The following IL23R variants were observed in gnomAD, a reference collection of about 807,000 sequenced individuals.
IL23R encodes the protein interleukin-23 receptor.
IL23R carries 34 observed loss-of-function variants against 56.9 expected under a neutral mutation model. The observed-to-expected ratio is 0.60, with a 90% CI of 0.45 to 0.80. The LOEUF (loss-of-function observed/expected upper bound fraction) is 0.80. Among genes scored for constraint, IL23R ranks in the 30% least tolerant of loss-of-function variants. The pLI is 0.00. For missense variants in IL23R, 635 were observed against 730.0 expected (o/e 0.87, Z 1.50); for synonymous variants, 230 against 249.2 (o/e 0.92, Z 0.73).
intron 1 of IL23R, among the ~76,000 whole-genome samples, chr1:67,148,272 C>T (rs1474692156): frequency 1.3e-5 from 2 of 152,242 alleles, no homozygotes; most frequent in African/African-American, 2.4e-5. Flanking sequence ...TCAGCTCCAG[C>T]CAGAACAAAC....
rs114033882 is a variant in IL23R at position 67,237,905 on chromosome 1, C to T, written c.1045+1103C>T. Reference sequence around the variant, plus strand: ...ATATTCATTAAGCAACTCCTGTGTACGAGGCACTGTTCTGGGTACTGGGGA... The same window carrying T: ...ATATTCATTAAGCAACTCCTGTGTATGAGGCACTGTTCTGGGTACTGGGGA... On this transcript the variant is annotated intron_variant, in intron 8 of 10. Coordinates refer to ENST00000347310, the MANE Select transcript of IL23R (RefSeq NM_144701.3). Among the ~76,000 whole-genome samples the T allele has an allele frequency of 7.3e-3, 1,117 of 152,230 alleles. 13 individuals carry two copies. The highest frequency in any genetic ancestry group is 0.024 in the African/African-American group (995 of 41,536).
intron 4 of IL23R, among the ~76,000 whole-genome samples, chr1:67,197,547 G>A (rs148096907): frequency 6.6e-6 from 1 of 152,318 alleles, no homozygotes; most frequent in East Asian, 1.9e-4. Flanking sequence ...GAGTCTGAGG[G>A]GGGCCCTATT....
At chr1:67,253,934 C>A (rs976305078) in intron 9 of IL23R, among the ~76,000 whole-genome samples, 2 of 152,026 alleles carry the variant, frequency 1.3e-5, no homozygotes, top group Non-Finnish European at 2.9e-5. Context: ...AAAGATAAAA[C>A]AAGACATAAT....
chr1:67,188,326 T>C (rs1374997654), intron 4 of IL23R, among the ~76,000 whole-genome samples: 2 of 152,186 alleles, frequency 1.3e-5, no homozygotes, highest in African/African-American at 4.8e-5. Flanking sequence ...GACTTCGACC[T>C]ACACTGAGTT....
At chr1:67,248,047 T>A (rs1265804125) in intron 9 of IL23R, among the ~76,000 whole-genome samples, 2 of 152,186 alleles carry the variant, frequency 1.3e-5, no homozygotes, top group Admixed American at 1.3e-4. Flanking sequence ...GCCCTTAACA[T>A]TTTTTCCTTC....
upstream of IL23R, among the ~76,000 whole-genome samples, chr1:67,165,546 C>A (rs1646865072): frequency 6.6e-6 from 1 of 152,108 alleles, no homozygotes. Flanking sequence ...GTCAAAATAG[C>A]CCAAACATGG....
chr1:67,143,311 A>G (rs74080014), intron 1 of IL23R, among the ~76,000 whole-genome samples: 12,323 of 152,288 alleles, frequency 0.081, 560 homozygotes, highest in Non-Finnish European at 0.11. Context: ...TATAAATATC[A>G]TGACAAAGGG....
intron 10 of IL23R, among the ~76,000 whole-genome samples, chr1:67,256,597 C>A (rs1254218750): frequency 1.3e-5 from 2 of 152,116 alleles, no homozygotes; most frequent in Non-Finnish European, 2.9e-5. Flanking sequence ...AACACATCAT[C>A]CAAGCCTTGC....
intron 1 of IL23R, among the ~76,000 whole-genome samples, chr1:67,142,806 G>A (rs1646650099): frequency 6.6e-6 from 1 of 152,166 alleles, no homozygotes; most frequent in Admixed American, 6.5e-5. Flanking sequence ...GACCTCAGGT[G>A]ATCCACCCAC....
chr1:67,257,994 T>C (rs1368900812), intron 10 of IL23R, among the ~76,000 whole-genome samples: 1 of 151,918 alleles, frequency 6.6e-6, no homozygotes, highest in Non-Finnish European at 1.5e-5. Context: ...TATCCACCTT[T>C]AGAACCTCGG....
intron 7 of IL23R, among the ~76,000 whole-genome samples, chr1:67,232,596 C>T (rs929022629): frequency 2.0e-5 from 3 of 151,994 alleles, no homozygotes; most frequent in African/African-American, 7.3e-5. Flanking sequence ...TTTCCTTATC[C>T]GTATAATGAG....
intron 7 of IL23R, among the ~76,000 whole-genome samples, chr1:67,222,186 G>A (rs1307757427): frequency 3.9e-5 from 5 of 128,996 alleles, no homozygotes; most frequent in East Asian, 2.5e-4. Flanking sequence ...GTGTGATCTC[G>A]GCTCACTGCA....
intron 4 of IL23R, 68 bp from the exon 5 acceptor site, chr1:67,200,669 G>A: frequency 2.6e-6 from 4 of 1,519,716 alleles, no homozygotes; most frequent in Admixed American, 3.4e-5. Context: ...ACAGGTGTGA[G>A]CCACCATGCC....
intron 4 of IL23R, among the ~76,000 whole-genome samples, chr1:67,187,128 C>G (rs983072080): frequency 6.6e-6 from 1 of 152,106 alleles, no homozygotes; most frequent in Non-Finnish European, 1.5e-5. Context: ...CTTGGTAACT[C>G]TATGTTTAAT....
chr1:67,200,866 A>T lies in IL23R; in HGVS notation c.621A>T (p.Ser207=). 6.2e-7 allele frequency: 1 copy of T among 1,614,204 alleles called. No individual in the cohort carries two copies. The highest frequency in any genetic ancestry group is 1.1e-5 in the South Asian group (1 of 91,086). Residue 207 remains serine (S), a synonymous_variant, in exon 5 of 11, where the codon TCA becomes TCT. Coordinates refer to ENST00000347310, the MANE Select transcript of IL23R (RefSeq NM_144701.3). ...CAAACGCACTAGGCATGGAAGAGTC[A>T]AAACAACTGCAAATTCACCTGGATG... ...QAANALGMEE[S]KQLQIHLDDI...
At chr1:67,214,060 TAC>T (rs1389934953) in intron 6 of IL23R, among the ~76,000 whole-genome samples, 2 of 152,216 alleles carry the variant, frequency 1.3e-5, no homozygotes, top group Non-Finnish European at 1.5e-5. Context: ...TATATTCAGC[TAC>T]CTGAGAGACT....
chr1:67,233,195 C>CAA (rs34125353), intron 7 of IL23R, among the ~76,000 whole-genome samples: 3,316 of 53,148 alleles, frequency 0.062, 33 homozygotes, highest in Non-Finnish European at 0.071. Flanking sequence ...CTAAAAATTC[C>CAA]AAAAAAAAAA....
chr1:67,200,928 A>T, intron 5 of IL23R, 31 bp downstream of exon 5: 1 of 1,607,272 alleles, frequency 6.2e-7, no homozygotes, highest in Admixed American at 1.7e-5. Flanking sequence ...TAAGTCTTTA[A>T]TAATAACCAG....
At chr1:67,225,532 G>C (rs1420347864) in intron 7 of IL23R, among the ~76,000 whole-genome samples, 2 of 135,352 alleles carry the variant, frequency 1.5e-5, no homozygotes, top group Admixed American at 1.6e-4. Context: ...TTTTTTTTTT[G>C]ATACAGTCTC....
Sources: gnomAD v4.1 joint callset for allele counts (sites outside exome capture counted in the v4.1 genomes callset) on GRCh38, gnomAD v4.1.1 for gene constraint, MANE v1.5 for transcripts, NCBI Gene and HGNC (gene_info 2026-07-23, HGNC 2026-07-21) for gene names.